NR1I3: variants seen among roughly 807,000 people sequenced by gnomAD.
NR1I3 encodes nuclear receptor subfamily 1 group I member 3.
In NR1I3, 30 loss-of-function variants were observed where a neutral mutation model predicts 38.4. The observed-to-expected ratio is 0.78, with a 90% confidence interval of 0.58 to 1.06. The LOEUF is 1.06. NR1I3 is among the 50% of genes least tolerant of loss of function. The pLI is 0.00. For missense variants in NR1I3, 388 were observed against 435.7 expected, an observed-to-expected ratio of 0.89 and a Z score of 0.97; for synonymous variants, 143 against 165.1, an observed-to-expected ratio of 0.87 and a Z score of 1.03.
In NR1I3 at chr1:161,231,331, C is replaced by G; in HGVS notation, c.692G>C (p.Arg231Pro). 3 of 1,581,572 alleles carry G rather than the reference C, an allele frequency of 1.9e-6. No individual in the cohort carries two copies. The highest frequency in any genetic ancestry group is 2.6e-6 in the Non-Finnish European group (3 of 1,164,514). The change falls in exon 6 of 9, where the codon CGT (arginine) becomes CCT (proline). Residue 231 changes from arginine to proline, a missense_variant and splice_region_variant. Coordinates refer to ENST00000367983, the MANE Select transcript of NR1I3 (RefSeq NM_005122.5). Reference protein sequence around the residue: ...PLRYTIEDGARVGFQVEFLEL... With the variant: ...PLRYTIEDGAPVGFQVEFLEL... ...CTATTGCTCTAGCACCATCTCACCA[C>G]GGGCTCCATCTTCAATTGTGTAGCG...
chr1:161,238,069 C>T lies in NR1I3; in HGVS notation c.-62G>A. On this transcript the variant is annotated 5_prime_UTR_variant, in exon 1 of 9. Coordinates refer to ENST00000367983, the MANE Select transcript of NR1I3 (RefSeq NM_005122.5). ...CTTCTCTTAGGCAGCATGTCACCTG[C>T]AGGCCACAGAATCTGGTATGGAATG... is the stretch of plus-strand genomic sequence containing the variant. 1 of 1,613,988 alleles carries T rather than the reference C, an allele frequency of 6.2e-7. No individual in the cohort carries two copies. Among genetic ancestry groups the T allele is most frequent in the Admixed American group, 1.7e-5 (1 of 60,026 alleles).
chr1:161,237,287 C>T (rs1436722669), intron 1 of NR1I3, among the ~76,000 whole-genome samples: 5 of 150,936 alleles, frequency 3.3e-5, no homozygotes, highest in Non-Finnish European at 7.4e-5. Flanking sequence ...CTCGCTACAA[C>T]CTCCGCCTCC....
chr1:161,235,389 C>G (rs2501872), intron 3 of NR1I3: 1 of 150,254 alleles, frequency 6.7e-6, no homozygotes, highest in Non-Finnish European at 1.5e-5. Context: ...CTCAGCCTCC[C>G]GAGTAGCTGG....
In NR1I3 at chr1:161,238,071, G is replaced by A. The variant is rs754360419; in HGVS notation, c.-64C>T. The stretch of plus-strand genomic sequence containing the variant: ...TCTCTTAGGCAGCATGTCACCTGCA[G>A]GCCACAGAATCTGGTATGGAATGCC... On this transcript the variant is annotated 5_prime_UTR_variant, in exon 1 of 9. Transcript: ENST00000367983. 1.2e-6 allele frequency: 2 copies of A among 1,613,982 alleles called. No individual in the cohort carries two copies. Among genetic ancestry groups the A allele is most frequent in the East Asian group, 4.5e-5 (2 of 44,880 alleles).
Position 161,229,818 on chromosome 1 carries a change from C to T in NR1I3, c.1026G>A (p.Leu342=), listed in dbSNP as rs141332323. The change falls in exon 9 of 9, where the codon CTG becomes CTA. Residue 342 remains leucine (L), a synonymous_variant. Coordinates refer to ENST00000367983, the MANE Select transcript of NR1I3 (RefSeq NM_005122.5). The part of the protein sequence containing the change: ...HIQGLSAMMP[L]LQEICS Reference sequence around the variant, plus strand: ...GGCCTCAGCTGCAGATCTCCTGGAGCAGCGGCATCATGGCAGACAGGCCCT... The same window carrying T: ...GGCCTCAGCTGCAGATCTCCTGGAGTAGCGGCATCATGGCAGACAGGCCCT... 4.3e-6 allele frequency: 7 copies of T among 1,614,248 alleles called. No individual in the cohort carries two copies. The highest frequency in any genetic ancestry group is 5.9e-6 in the Non-Finnish European group (7 of 1,180,050).
intron 8 of NR1I3, 42 bp downstream of exon 8, chr1:161,230,771 C>T: frequency 1.2e-6 from 2 of 1,613,118 alleles, no homozygotes. Flanking sequence ...CAACCCCTTC[C>T]TGCCCTGGTG....
intron 5 of NR1I3, among the ~76,000 whole-genome samples, chr1:161,232,535 C>T (rs938462275): frequency 6.6e-6 from 1 of 151,794 alleles, no homozygotes. Flanking sequence ...TGGACTCAAG[C>T]GATCTGCCAG....
intron 1 of NR1I3, among the ~76,000 whole-genome samples, chr1:161,237,840 C>T (rs530804387): frequency 5.9e-5 from 9 of 152,170 alleles, no homozygotes; most frequent in South Asian, 4.1e-4. Context: ...TGAGCTCCCG[C>T]GCCTGGCCTC....
intron 1 of NR1I3, among the ~76,000 whole-genome samples, chr1:161,237,032 G>A (rs1023431235): frequency 6.6e-6 from 1 of 151,044 alleles, no homozygotes; most frequent in African/African-American, 2.4e-5. Context: ...GTTGCCTAGT[G>A]TTGCCTAGGC....
chr1:161,236,146 C>T, intron 2 of NR1I3, 169 bp from the exon 3 acceptor site: 1 of 764,128 alleles, frequency 1.3e-6, no homozygotes, highest in Non-Finnish European at 2.1e-6. Context: ...ATTTCCATGG[C>T]AACACAGGAT....
chr1:161,233,303 C>T lies in NR1I3; in HGVS notation c.274G>A (p.Ala92Thr). The T allele has an allele frequency of 6.2e-7, 1 of 1,614,174 alleles. No individual in the cohort carries two copies. The highest frequency in any genetic ancestry group is 8.5e-7 in the Non-Finnish European group (1 of 1,180,044). Reference protein sequence around the residue: ...LSAEALALRRAKQAQRRAQQT... With the variant: ...LSAEALALRRTKQAQRRAQQT... ...TGTGCCCGCCGCTGGGCCTGCTTTG[C>T]TCGCCGCAATGCCAGGGCTTCTGCC... The change falls in exon 4 of 9, where the codon GCA (alanine) becomes ACA (threonine). Residue 92 changes from alanine (A) to threonine (T), a missense_variant. Coordinates refer to ENST00000367983, the MANE Select transcript of NR1I3 (RefSeq NM_005122.5).
intron 8 of NR1I3, chr1:161,230,311 C>G (rs985781241): frequency 7.0e-6 from 2 of 285,816 alleles, no homozygotes; most frequent in Non-Finnish European, 1.3e-5. Flanking sequence ...CTTGGAGGAA[C>G]GAGCAAAACA....
chr1:161,230,583 T>C, intron 8 of NR1I3: 1 of 619,904 alleles, frequency 1.6e-6, no homozygotes, highest in African/African-American at 1.9e-5. Flanking sequence ...GCATCTGTAC[T>C]GAATAAAAAA....
intron 3 of NR1I3, among the ~76,000 whole-genome samples, chr1:161,233,989 G>C (rs1325841489): frequency 2.1e-5 from 3 of 144,154 alleles, no homozygotes; most frequent in African/African-American, 7.8e-5. Context: ...ATATTTTTTT[G>C]TTTGTTTTGT....
At chr1:161,232,705 A>G in intron 5 of NR1I3, 102 bp downstream of exon 5, 1 of 1,181,770 alleles carries the variant, frequency 8.5e-7, no homozygotes, top group Non-Finnish European at 1.2e-6. Flanking sequence ...TAATGCTTGG[A>G]AAGGCTGACG....
chr1:161,233,040 G>A (rs537929290), intron 4 of NR1I3, 94 bp from the exon 5 acceptor site: 2 of 1,582,506 alleles, frequency 1.3e-6, no homozygotes, highest in African/African-American at 1.3e-5. Flanking sequence ...TTGCTGAGAA[G>A]CCTGCTCAGG....
chr1:161,230,052 T>A, intron 8 of NR1I3, 126 bp from the exon 9 acceptor site: 1 of 1,176,014 alleles, frequency 8.5e-7, no homozygotes, highest in Non-Finnish European at 1.2e-6. Flanking sequence ...TTAGAGAAAA[T>A]CATGCTCTGG....
At chr1:161,231,533 C>CAGAA in intron 5 of NR1I3, 59 bp from the exon 6 acceptor site, 1 of 1,544,932 alleles carries the variant, frequency 6.5e-7, no homozygotes, top group Non-Finnish European at 8.7e-7. Flanking sequence ...GACAGAGTCT[C>CAGAA]ACTGTCACCC....
At chr1:161,231,047 G>A in intron 7 of NR1I3, 70 bp downstream of exon 7, 1 of 1,612,912 alleles carries the variant, frequency 6.2e-7, no homozygotes, top group Non-Finnish European at 8.5e-7. Context: ...CTGGGTGGAT[G>A]GACTCAAGGA....
Sources: gnomAD v4.1 joint callset for allele counts (sites outside exome capture counted in the v4.1 genomes callset) on GRCh38, gnomAD v4.1.1 for gene constraint, MANE v1.5 for transcripts, NCBI Gene and HGNC (gene_info 2026-07-23, HGNC 2026-07-21) for gene names.